SUZ12: variants seen among roughly 807,000 people sequenced by gnomAD.
SUZ12 encodes SUZ12 polycomb repressive complex 2 subunit.
In SUZ12, 17 loss-of-function variants were observed where a neutral mutation model predicts 87.3. The ratio of observed to expected loss-of-function variants is 0.19; its 90% CI spans 0.13 to 0.29. The LOEUF is 0.29. SUZ12 is among the 10% of genes least tolerant of loss of function. SUZ12 has a pLI of 1.00. For missense variants in SUZ12, 526 were observed against 912.2 expected (o/e 0.58, Z 5.45); for synonymous variants, 253 against 312.4 (o/e 0.81, Z 2.01).
At chr17:31,989,354 C>T (rs1384371053) in intron 10 of SUZ12, among the ~76,000 whole-genome samples, 4 of 151,936 alleles carry the variant, frequency 2.6e-5, no homozygotes, top group Non-Finnish European at 4.4e-5. Context: ...TATCCAGAAC[C>T]TTTGTGCCAA....
intron 1 of SUZ12, 110 bp downstream of exon 1, chr17:31,937,630 G>A (rs1906020480): frequency 7.0e-7 from 1 of 1,424,638 alleles, no homozygotes; most frequent in Non-Finnish European, 9.4e-7. Flanking sequence ...TGTGGTAGTG[G>A]AGGGAGGAAT....
intron 4 of SUZ12, among the ~76,000 whole-genome samples, chr17:31,951,568 C>T (rs575526839): frequency 1.3e-5 from 2 of 150,976 alleles, no homozygotes; most frequent in East Asian, 2.0e-4. Context: ...CTGCAAGTTC[C>T]GCCTCCCGGG....
chr17:31,984,433 T>A (rs1909292687), intron 9 of SUZ12, among the ~76,000 whole-genome samples: 1 of 152,180 alleles, frequency 6.6e-6, no homozygotes, highest in Non-Finnish European at 1.5e-5. Context: ...TAGGTGAATG[T>A]TAATATACTG....
intron 4 of SUZ12, among the ~76,000 whole-genome samples, chr17:31,951,500 T>G (rs1179851470): frequency 6.8e-6 from 1 of 146,962 alleles, no homozygotes; most frequent in East Asian, 1.9e-4. Context: ...TTTTTTTTTT[T>G]GAGACGGAGT....
intron 4 of SUZ12, among the ~76,000 whole-genome samples, chr17:31,959,527 T>C (rs1021406319): frequency 6.6e-6 from 1 of 152,210 alleles, no homozygotes; most frequent in African/African-American, 2.4e-5. Context: ...GCTTTACATA[T>C]CATAGGATGA....
intron 14 of SUZ12, among the ~76,000 whole-genome samples, chr17:31,995,986 A>G (rs1001667621): frequency 3.3e-5 from 5 of 152,124 alleles, no homozygotes; most frequent in African/African-American, 7.2e-5. Flanking sequence ...AGGCAGGCGC[A>G]TTGCCTGAGT....
chr17:31,945,602 A>G (rs1401387801), intron 3 of SUZ12, among the ~76,000 whole-genome samples: 1 of 152,178 alleles, frequency 6.6e-6, no homozygotes, highest in African/African-American at 2.4e-5. Context: ...TCTGACCTAC[A>G]GTAACATTAC....
At chr17:31,951,183 A>G (rs1158280759) in intron 4 of SUZ12, among the ~76,000 whole-genome samples, 2 of 152,176 alleles carry the variant, frequency 1.3e-5, no homozygotes, top group East Asian at 1.9e-4. Flanking sequence ...TGCCAAAGTT[A>G]TAGTATGTCT....
chr17:31,955,920 T>A (rs1038926166), intron 4 of SUZ12, among the ~76,000 whole-genome samples: 22 of 151,710 alleles, frequency 1.5e-4, no homozygotes, highest in African/African-American at 3.9e-4. Flanking sequence ...TATTATTATT[T>A]TTTGTTTTTG....
In SUZ12 at chr17:32,000,387, G is replaced by A; in HGVS notation, c.*1384G>A. 1 of 232,540 alleles carries A rather than the reference G, an allele frequency of 4.3e-6. No homozygotes were observed. The highest frequency in any genetic ancestry group is 6.1e-5 in the East Asian group (1 of 16,430). The allele number at this position is 232,540 out of a possible 1,614,324, so 14.4% of individuals were successfully genotyped here. ...CTGATTTGACTGGTCTTTAAGATGT[G>A]TTTAACTGTGAGGCTATTTAACGAA... On this transcript the variant is annotated 3_prime_UTR_variant, in exon 16 of 16. Transcript: ENST00000322652.
intron 10 of SUZ12, among the ~76,000 whole-genome samples, chr17:31,991,291 T>C (rs555382372): frequency 2.0e-5 from 3 of 152,028 alleles, no homozygotes; most frequent in East Asian, 3.9e-4. Flanking sequence ...GTGGGTGGAT[T>C]GCTTGAAGCC....
At chr17:31,954,826 AT>A (rs1165126990) in intron 4 of SUZ12, among the ~76,000 whole-genome samples, 1 of 152,090 alleles carries the variant, frequency 6.6e-6, no homozygotes, top group Non-Finnish European at 1.5e-5. Context: ...GGAATATTAC[AT>A]ATAAAGCATT....
intron 13 of SUZ12, among the ~76,000 whole-genome samples, chr17:31,995,168 T>A (rs754173245): frequency 3.3e-5 from 5 of 152,114 alleles, no homozygotes; most frequent in Non-Finnish European, 5.9e-5. Flanking sequence ...AAAAAATTTT[T>A]AAGGCAGGTG....
chr17:31,944,887 T>C (rs567272180), intron 3 of SUZ12, among the ~76,000 whole-genome samples: 1 of 152,050 alleles, frequency 6.6e-6, no homozygotes, highest in African/African-American at 2.4e-5. Context: ...GGCAACATAG[T>C]GAGACCCTAT....
At position 31,978,797 on chromosome 17, in the gene SUZ12, C is replaced by T. The variant is rs1473199229; in HGVS notation, c.917+2183C>T. 2.6e-5 allele frequency among the ~76,000 whole-genome samples: 4 copies of T among 152,074 alleles called. No individual in the cohort carries two copies. In the South Asian group the frequency reaches 6.2e-4, roughly 24 times the overall value. On this transcript the variant is annotated intron_variant, in intron 8 of 15. Coordinates refer to ENST00000322652, the MANE Select transcript of SUZ12 (RefSeq NM_015355.4). ...TGCCAAGAAGAAACTGGGAGAATTT[C>T]CCCACAGCAGCTTATTTTGAAAATA... is the stretch of plus-strand genomic sequence containing the variant.
intron 5 of SUZ12, among the ~76,000 whole-genome samples, chr17:31,970,058 C>CA (rs1357481275): frequency 2.0e-5 from 3 of 152,136 alleles, no homozygotes; most frequent in African/African-American, 7.2e-5. Flanking sequence ...GCTAGGATTA[C>CA]AGGCATGAGC....
intron 3 of SUZ12, among the ~76,000 whole-genome samples, chr17:31,941,176 A>G (rs1340660823): frequency 2.7e-5 from 4 of 150,454 alleles, no homozygotes; most frequent in African/African-American, 4.9e-5. Flanking sequence ...ATCTCAGCTC[A>G]CTGCAAGCTC....
intron 9 of SUZ12, among the ~76,000 whole-genome samples, chr17:31,987,086 G>A (rs888808334): frequency 7.9e-5 from 12 of 151,922 alleles, no homozygotes; most frequent in Admixed American, 1.3e-4. Flanking sequence ...ATCCTTGAAG[G>A]ACAAGGAAGA....
At chr17:31,962,283 A>T (rs191188069) in intron 4 of SUZ12, among the ~76,000 whole-genome samples, 50 of 152,202 alleles carry the variant, frequency 3.3e-4, no homozygotes, top group African/African-American at 1.2e-3. Context: ...AAGAAAAAAA[A>T]AATAATTGAA....
Sources: gnomAD v4.1 joint callset for allele counts (sites outside exome capture counted in the v4.1 genomes callset) on GRCh38, gnomAD v4.1.1 for gene constraint, MANE v1.5 for transcripts, NCBI Gene and HGNC (gene_info 2026-07-23, HGNC 2026-07-21) for gene names.